Variants in YBEY observed in about 807,000 individuals in gnomAD.
YBEY encodes ybeY metalloendoribonuclease.
In YBEY, 15 loss-of-function variants were observed where a neutral mutation model predicts 13.5. The observed-to-expected ratio is 1.11, with a 90% CI of 0.75 to 1.72. The LOEUF (loss-of-function observed/expected upper bound fraction) is 1.72, where lower values mean the gene tolerates loss of function less well. Ranked by LOEUF, YBEY falls within the 40% of genes most tolerant of loss-of-function variation. The pLI, the probability that YBEY is intolerant of heterozygous loss-of-function variation, is 0.00. For missense variants in YBEY, 244 were observed against 208.4 expected (o/e 1.17, Z -1.05); for synonymous variants, 101 against 83.1 (o/e 1.21, Z -1.17).
intron 2 of YBEY, among the ~76,000 whole-genome samples, chr21:46,289,825 C>T (rs140686952): frequency 6.6e-6 from 1 of 152,174 alleles, no homozygotes. Flanking sequence ...AGATCAATAA[C>T]AAGATTAATG....
In YBEY at chr21:46,294,806, G is replaced by A. The variant is rs116015647; in HGVS notation, c.340-1356G>A. Among the ~76,000 whole-genome samples the A allele has an allele frequency of 5.6e-3, 855 of 151,494 alleles. 16 individuals are homozygous for A. Among genetic ancestry groups the A allele is most frequent in the African/African-American group, 0.02 (818 of 40,828 alleles). ...AAGCATTCTGAAAAGCCATGTATGA[G>A]TGAATCATACTTAACTTGGCCTCCT... On this transcript the variant is annotated intron_variant, in intron 3 of 4. Coordinates refer to ENST00000397701, the MANE Select transcript of YBEY (RefSeq NM_001314025.2).
intron 4 of YBEY, among the ~76,000 whole-genome samples, chr21:46,297,145 AAAGATT>A (rs2081977322): frequency 6.7e-6 from 1 of 149,550 alleles, no homozygotes; most frequent in Non-Finnish European, 1.5e-5. Context: ...CTAAAAACGC[AAAGATT>A]AGCCGGGCGT....
the YBEY span, among the ~76,000 whole-genome samples, chr21:46,303,732 TA>T: frequency 3.1e-3 from 98 of 31,652 alleles, no homozygotes; most frequent in Non-Finnish European, 4.6e-3. Flanking sequence ...TATATATATA[TA>T]TATATATATA....
chr21:46,297,877 C>A (rs1170773075), downstream of YBEY: 2 of 902,408 alleles, frequency 2.2e-6, no homozygotes, highest in Non-Finnish European at 2.9e-6. Flanking sequence ...TCGCCTCTCG[C>A]CCTTCAAGGG....
chr21:46,291,364 G>A lies in YBEY; in HGVS notation c.241G>A (p.Asp81Asn). 1.2e-6 allele frequency: 2 copies of A among 1,614,100 alleles called. No homozygotes were observed. Among genetic ancestry groups the A allele is most frequent in the East Asian group, 2.2e-5 (1 of 44,886 alleles). The stretch of plus-strand genomic sequence containing the variant: ...GAAAGCAGGTGAATTTCCCCAGCCT[G>A]ATTTTCCAGATGACTACAATTTGGG... ...HLKAGEFPQP[D>N]FPDDYNLGDI... The change falls in exon 3 of 5, where the codon GAT becomes AAT. Residue 81 changes from aspartate to asparagine, a missense_variant. Coordinates refer to ENST00000397701, the MANE Select transcript of YBEY (RefSeq NM_001314025.2).
Position 46,291,434 on chromosome 21 carries a change from A to C in YBEY, c.311A>C (p.Glu104Ala), listed in dbSNP as rs1428407913. The change falls in exon 3 of 5, where the codon GAA (glutamate) becomes GCA (alanine). Residue 104 changes from glutamate (E) to alanine (A), a missense_variant. By Grantham distance (107) the Glu-to-Ala change is moderately radical. Transcript: ENST00000397701. ...GAGTATATCTTCCATCAGTGTAAAG[A>C]AAATGAAGATTACAATGACGTCCTG... The part of the protein sequence containing the change: ...GVEYIFHQCK[E>A]NEDYNDVLTV... 1.2e-6 allele frequency: 2 copies of C among 1,614,140 alleles called. No homozygotes were observed. The highest frequency in any genetic ancestry group is 3.3e-5 in the Admixed American group (2 of 60,008).
chr21:46,303,913 G>A, the YBEY span, among the ~76,000 whole-genome samples: 26 of 147,864 alleles, frequency 1.8e-4, no homozygotes, highest in Admixed American at 1.6e-3. Context: ...CACTGCGCCC[G>A]GCTAATTTTT....
chr21:46,306,120 T>C, the YBEY span, among the ~76,000 whole-genome samples: 1 of 151,334 alleles, frequency 6.6e-6, no homozygotes, highest in Admixed American at 6.6e-5. Flanking sequence ...CTGGATTATC[T>C]GGGCAAGCCC....
At chr21:46,298,434 C>CTTTTTTTTTTTTCTTTTTTTT (rs557264546), downstream of YBEY, among the ~76,000 whole-genome samples, 1 of 97,160 alleles carries the variant, frequency 1.0e-5, no homozygotes. Flanking sequence ...TTAATCCAAG[C>CTTTTTTTTTTTTCTTTTTTTT]TTTTTTTTTT....
intron 1 of YBEY, chr21:46,286,650 C>A: frequency 6.9e-6 from 2 of 289,936 alleles, no homozygotes; most frequent in South Asian, 6.7e-5. Flanking sequence ...CTCTGGGAAC[C>A]GCTCCTTCCG....
chr21:46,301,129 C>G, downstream of YBEY: 1 of 962,714 alleles, frequency 1.0e-6, no homozygotes, highest in Non-Finnish European at 1.2e-6. Flanking sequence ...TCATACACAG[C>G]TTGCTTCTTT....
intron 2 of YBEY, among the ~76,000 whole-genome samples, chr21:46,289,839 G>A (rs377579859): frequency 7.9e-5 from 12 of 152,290 alleles, no homozygotes; most frequent in Non-Finnish European, 1.2e-4. Flanking sequence ...ATTAATGTCC[G>A]TCCAAGGTTA....
downstream of YBEY, among the ~76,000 whole-genome samples, chr21:46,299,750 G>GCCCCCCCCCC (rs545785598): frequency 7.5e-5 from 11 of 147,226 alleles, no homozygotes; most frequent in African/African-American, 2.0e-4. Context: ...TGTGCCCTGA[G>GCCCCCCCCCC]CCCCCCCCAC....
chr21:46,311,318 G>A, the YBEY span: 4 of 442,676 alleles, frequency 9.0e-6, no homozygotes, highest in Non-Finnish European at 1.2e-5. Flanking sequence ...ATTTATATAA[G>A]GATTTCTTAA....
downstream of YBEY, chr21:46,302,227 A>G: frequency 7.0e-7 from 1 of 1,432,334 alleles, no homozygotes; most frequent in African/African-American, 1.4e-5. Flanking sequence ...CCTGTTCCTA[A>G]CTGGGGCTGG....
downstream of YBEY, among the ~76,000 whole-genome samples, chr21:46,300,025 ACT>A (rs1265164264): frequency 6.6e-6 from 1 of 151,658 alleles, no homozygotes; most frequent in African/African-American, 2.4e-5. Context: ...CTCACCAGAC[ACT>A]CTGGATGCCA....
intron 3 of YBEY, chr21:46,291,789 GA>G: frequency 3.7e-6 from 4 of 1,091,078 alleles, no homozygotes; most frequent in Non-Finnish European, 4.5e-6. Context: ...CAGAAGTACA[GA>G]AGTTGGAGCC....
intron 3 of YBEY, among the ~76,000 whole-genome samples, chr21:46,292,479 A>G (rs553748167): frequency 7.9e-5 from 12 of 152,272 alleles, no homozygotes; most frequent in Non-Finnish European, 1.6e-4. Context: ...ACTATTCTTG[A>G]TTTAAAGTTA....
chr21:46,301,646 C>G, downstream of YBEY: 1 of 1,091,350 alleles, frequency 9.2e-7, no homozygotes, highest in Non-Finnish European at 1.1e-6. Flanking sequence ...TGGTGGCGTC[C>G]ACGGCCTCAA....
Sources: allele counts gnomAD v4.1 joint callset (sites outside exome capture counted in the v4.1 genomes callset), GRCh38; gene constraint gnomAD v4.1.1; transcripts MANE v1.5; gene names NCBI Gene and HGNC (gene_info 2026-07-23, HGNC 2026-07-21).